Variants in NOTCH2NLB observed in about 807,000 individuals in gnomAD.
The protein encoded by NOTCH2NLB is notch 2 N-terminal like B, also known as notch homolog 2 N-terminal-like protein B.
In NOTCH2NLB, 1 loss-of-function variant was observed where a neutral mutation model predicts 14.8. The observed-to-expected ratio is 0.07, with a 90% CI of 0.02 to 0.32. The LOEUF (loss-of-function observed/expected upper bound fraction) is 0.32, where lower values mean the gene tolerates loss of function less well. NOTCH2NLB is among the 10% of genes least tolerant of loss of function. The pLI is 1.00. For missense variants in NOTCH2NLB, 11 were observed against 155.0 expected, an observed-to-expected ratio of 0.07 and a Z score of 4.93; for synonymous variants, 6 against 57.5, an observed-to-expected ratio of 0.10 and a Z score of 4.05.
intron 1 of NOTCH2NLB, among the ~76,000 whole-genome samples, chr1:148,654,794 T>G (rs1320702876): frequency 1.1e-5 from 1 of 91,486 alleles, no homozygotes; most frequent in Non-Finnish European, 2.4e-5. Context: ...TAATAAATAA[T>G]ATACTCTATA....
chr1:148,645,739 G>A (rs1461691212), intron 1 of NOTCH2NLB, among the ~76,000 whole-genome samples: 1 of 150,542 alleles, frequency 6.6e-6, no homozygotes, highest in African/African-American at 2.4e-5. Flanking sequence ...TTCCCCTGGA[G>A]GGTTCTGGTC....
the NOTCH2NLB span, among the ~76,000 whole-genome samples, chr1:148,601,036 A>AGT: frequency 6.8e-6 from 1 of 148,032 alleles, no homozygotes; most frequent in African/African-American, 2.6e-5. Context: ...CCTCATGCTA[A>AGT]GTGAAAGAAG....
At chr1:148,610,367 AAGAAAG>A (rs1314356443) in intron 3 of NOTCH2NLB, among the ~76,000 whole-genome samples, 15 of 118,460 alleles carry the variant, frequency 1.3e-4, no homozygotes, top group South Asian at 2.7e-4. Context: ...GAAAGAAAGA[AAGAAAG>A]AGAAAGAAAG....
intron 3 of NOTCH2NLB, among the ~76,000 whole-genome samples, chr1:148,613,268 TG>T (rs1425370011): frequency 1.4e-5 from 2 of 144,394 alleles, no homozygotes; most frequent in African/African-American, 5.2e-5. Flanking sequence ...TGTCTTTATT[TG>T]AAGATTATGT....
the NOTCH2NLB span, among the ~76,000 whole-genome samples, chr1:148,686,761 G>A: frequency 3.0e-5 from 2 of 65,890 alleles, no homozygotes; most frequent in East Asian, 9.0e-4. Context: ...TCTGGTAGCC[G>A]CCAGAAGCTA....
At chr1:148,637,808 G>T (rs1664244894) in intron 2 of NOTCH2NLB, among the ~76,000 whole-genome samples, 2 of 127,710 alleles carry the variant, frequency 1.6e-5, no homozygotes, top group Admixed American at 8.6e-5. Context: ...TGTTCTCATT[G>T]TTCAACTCCC....
chr1:148,637,231 G>C, intron 2 of NOTCH2NLB, among the ~76,000 whole-genome samples: 1 of 144,632 alleles, frequency 6.9e-6, no homozygotes, highest in Non-Finnish European at 1.5e-5. Flanking sequence ...ACCACGCCCA[G>C]CTAATTTTTT....
At chr1:148,670,539 A>AATATATATATACATAT (rs1664749373) in intron 1 of NOTCH2NLB, among the ~76,000 whole-genome samples, 2 of 93,480 alleles carry the variant, frequency 2.1e-5, no homozygotes, top group African/African-American at 8.6e-5. Context: ...TAAAAAAAAA[A>AATATATATATACATAT]ATATATATAT....
Position 148,618,034 on chromosome 1 carries a change from AGAGT to A in NOTCH2NLB, c.78-2088_78-2085del, listed in dbSNP as rs1248231211. On this transcript the variant is annotated intron_variant, in intron 2 of 4. Transcript: ENST00000593495. ...GCCACTACATTCCAGCCTGGGCAAC[AGAGT>A]GAGATTCCATCTCAAAAAAAAAAGT... 1.3e-3 allele frequency among the ~76,000 whole-genome samples: 134 copies of A among 100,902 alleles called. 34 individuals carry two copies. Among genetic ancestry groups the A allele is most frequent in the Non-Finnish European group, 2.0e-3 (100 of 50,162 alleles). 66.2% of individuals were successfully genotyped at this position (100,902 alleles called of 152,430 possible). A position where few individuals can be genotyped will look rare whatever the true frequency, so the allele number is the denominator to read the frequency against.
chr1:148,670,541 T>TATATATATAC (rs1209754066), intron 1 of NOTCH2NLB, among the ~76,000 whole-genome samples: 13 of 62,438 alleles, frequency 2.1e-4, no homozygotes, highest in African/African-American at 1.7e-3. Flanking sequence ...AAAAAAAAAA[T>TATATATATAC]ATATATATAT....
intron 1 of NOTCH2NLB, among the ~76,000 whole-genome samples, chr1:148,670,568 A>ATATG (rs1664755614): frequency 1.3e-4 from 18 of 139,530 alleles, no homozygotes; most frequent in African/African-American, 4.3e-4. Flanking sequence ...ATATATATAT[A>ATATG]TATATATATA....
chr1:148,703,244 C>T, the NOTCH2NLB span, among the ~76,000 whole-genome samples: 2 of 111,876 alleles, frequency 1.8e-5, no homozygotes, highest in Non-Finnish European at 3.8e-5. Context: ...GAGCCAAGAT[C>T]ACGCCACTGC....
At position 148,631,131 on chromosome 1, in the gene NOTCH2NLB, A is replaced by G. The variant is rs1161375944; in HGVS notation, c.77+8885T>C. Among the ~76,000 whole-genome samples, 188 of 139,610 alleles carry G rather than the reference A, an allele frequency of 1.3e-3. 7 individuals carry two copies. Among genetic ancestry groups the G allele is most frequent in the African/African-American group, 5.5e-3 (183 of 33,538 alleles). The allele number at this position is 139,610 out of a possible 152,430, so 91.6% of individuals were successfully genotyped here. A position where few individuals can be genotyped will look rare whatever the true frequency, so the allele number is the denominator to read the frequency against. ...AATGACCTGAATCTATACAGATTTA[A>G]TACCCTAAATGCTACCATTCTACAT... On this transcript the variant is annotated intron_variant, in intron 2 of 4. Coordinates refer to ENST00000593495, the Ensembl canonical transcript of NOTCH2NLB.
the NOTCH2NLB span, among the ~76,000 whole-genome samples, chr1:148,700,094 C>T: frequency 1.3e-5 from 1 of 78,338 alleles, no homozygotes; most frequent in Non-Finnish European, 2.7e-5. Context: ...GTGTTCTCAT[C>T]ATTCATCTCC....
At chr1:148,701,698 GAC>G in the NOTCH2NLB span, among the ~76,000 whole-genome samples, 4 of 22,634 alleles carry the variant, frequency 1.8e-4, no homozygotes, top group African/African-American at 4.7e-4. Flanking sequence ...CTGAATATGA[GAC>G]ATGTAATTTC....
chr1:148,623,923 G>A lies in NOTCH2NLB; in HGVS notation c.78-7973C>T, dbSNP rs1159539829. On this transcript the variant is annotated intron_variant, in intron 2 of 4. Transcript: ENST00000593495. ...TCTCTACTCTGTGATCTGTCTGGTA[G>A]AATAACAGGCCAAATCAACCTAATA... 2.4e-5 allele frequency among the ~76,000 whole-genome samples: 2 copies of A among 84,824 alleles called. 1 individual carries two copies. Among genetic ancestry groups the A allele is most frequent in the Admixed American group, 2.0e-4 (2 of 9,962 alleles). The allele number at this position is 84,824 out of a possible 152,430, so 55.6% of individuals were successfully genotyped here.
intron 1 of NOTCH2NLB, among the ~76,000 whole-genome samples, chr1:148,661,407 T>C (rs1170914970): frequency 1.1e-4 from 16 of 150,088 alleles, no homozygotes; most frequent in African/African-American, 3.6e-4. Context: ...AATTCAGATA[T>C]TCAAATTTTT....
intron 2 of NOTCH2NLB, among the ~76,000 whole-genome samples, chr1:148,633,024 A>G: frequency 8.4e-6 from 1 of 119,106 alleles, no homozygotes; most frequent in East Asian, 3.1e-4. Flanking sequence ...AGTGTTCTAG[A>G]ATGATATGAG....
At chr1:148,651,144 GAAAAAAA>G (rs1159790526) in intron 1 of NOTCH2NLB, among the ~76,000 whole-genome samples, 17 of 76,504 alleles carry the variant, frequency 2.2e-4, no homozygotes, top group East Asian at 1.5e-3. Context: ...CTCTGCCTGA[GAAAAAAA>G]AAAAAAAAAA....
Sources: gnomAD v4.1 joint callset for allele counts (sites outside exome capture counted in the v4.1 genomes callset) on GRCh38, gnomAD v4.1.1 for gene constraint, MANE v1.5 for transcripts, NCBI Gene and HGNC (gene_info 2026-07-23, HGNC 2026-07-21) for gene names.